The following ARHGEF11 variants were observed in gnomAD, a reference collection of about 807,000 sequenced individuals.
ARHGEF11 encodes the protein Rho guanine exchange factor (GEF) 11.
ARHGEF11 carries 55 observed loss-of-function variants against 193.7 expected under a neutral mutation model. The ratio of observed to expected loss-of-function variants is 0.28; its 90% CI spans 0.23 to 0.36. The LOEUF (loss-of-function observed/expected upper bound fraction) is 0.36. Ranked by LOEUF, ARHGEF11 falls within the 10% of genes least tolerant of loss-of-function variation. The pLI, the probability that ARHGEF11 is intolerant of heterozygous loss-of-function variation, is 1.00. For synonymous variants in ARHGEF11, 693 were observed against 768.0 expected, an observed-to-expected ratio of 0.90 and a Z score of 1.62; for missense variants, 1,723 against 2,005.6, an observed-to-expected ratio of 0.86 and a Z score of 2.69.
At chr1:156,973,796 C>A (rs987449742) in intron 7 of ARHGEF11, among the ~76,000 whole-genome samples, 1 of 152,232 alleles carries the variant, frequency 6.6e-6, no homozygotes, top group African/African-American at 2.4e-5. Flanking sequence ...GGCCCTCTGA[C>A]AAGTCTCCCA....
chr1:157,030,626 C>A (rs934180873), intron 1 of ARHGEF11, among the ~76,000 whole-genome samples: 1 of 151,940 alleles, frequency 6.6e-6, no homozygotes, highest in Admixed American at 6.6e-5. Context: ...TACCACCAAG[C>A]CTTGACAGGG....
At chr1:157,019,766 T>C (rs779014415) in intron 1 of ARHGEF11, among the ~76,000 whole-genome samples, 6 of 152,164 alleles carry the variant, frequency 3.9e-5, no homozygotes, top group Admixed American at 1.3e-4. Context: ...AATGAGCATA[T>C]AGTGTATGAT....
At chr1:156,954,784 G>T in intron 21 of ARHGEF11, 108 bp downstream of exon 21, 1 of 924,114 alleles carries the variant, frequency 1.1e-6, no homozygotes. Flanking sequence ...AAGGGAGGGA[G>T]GAGGAACAGG....
intron 1 of ARHGEF11, among the ~76,000 whole-genome samples, chr1:157,017,706 C>CAAAAAAAAAAAAAAAAAA: frequency 2.4e-5 from 1 of 41,550 alleles, no homozygotes; most frequent in Non-Finnish European, 5.2e-5. Flanking sequence ...GACTCCGTCT[C>CAAAAAAAAAAAAAAAAAA]AAAAAAAAAA....
At chr1:157,005,827 A>G (rs1571459722) in intron 1 of ARHGEF11, among the ~76,000 whole-genome samples, 2 of 152,190 alleles carry the variant, frequency 1.3e-5, no homozygotes, top group African/African-American at 4.8e-5. Context: ...CCTGATTTCT[A>G]TATTAAAGGG....
intron 1 of ARHGEF11, among the ~76,000 whole-genome samples, chr1:156,990,937 A>G (rs1359738114): frequency 2.6e-5 from 4 of 152,176 alleles, no homozygotes; most frequent in Non-Finnish European, 5.9e-5. Flanking sequence ...ACTGCTAGGT[A>G]CTCATTGCTG....
intron 11 of ARHGEF11, among the ~76,000 whole-genome samples, chr1:156,965,047 G>T (rs1661504464): frequency 6.6e-6 from 1 of 152,168 alleles, no homozygotes; most frequent in Admixed American, 6.5e-5. Context: ...CCATTTCCCT[G>T]CTGCTGACAG....
intron 14 of ARHGEF11, 148 bp from the exon 15 acceptor site, chr1:156,960,608 G>A (rs1660687921): frequency 8.9e-6 from 6 of 670,424 alleles, no homozygotes; most frequent in African/African-American, 1.8e-5. Flanking sequence ...CTCTCCAACT[G>A]CACACCTGAA....
intron 1 of ARHGEF11, among the ~76,000 whole-genome samples, chr1:156,993,085 T>C (rs1665997197): frequency 6.6e-6 from 1 of 152,228 alleles, no homozygotes; most frequent in South Asian, 2.1e-4. Context: ...AAGCACTTGA[T>C]ATAACCTTAT....
rs995464920 is a variant in ARHGEF11 at position 157,044,734 on chromosome 1, C to T, written c.-404G>A. Reference sequence around the variant, plus strand: ...GTTAACTGCAAAGTACAGATAAAACCATCCTTTAAATCCAGCTTTCTCAGC... The same window carrying T: ...GTTAACTGCAAAGTACAGATAAAACTATCCTTTAAATCCAGCTTTCTCAGC... On this transcript the variant is annotated 5_prime_UTR_variant, in exon 1 of 41. The change abolishes an upstream ATG in the 5' untranslated region. Coordinates refer to ENST00000368194, the MANE Select transcript of ARHGEF11 (RefSeq NM_198236.3). The T allele has an allele frequency of 1.4e-4, 55 of 397,842 alleles. No individual in the cohort carries two copies. The highest frequency in any genetic ancestry group is 6.4e-4 in the Middle Eastern group (1 of 1,560). 24.6% of individuals were successfully genotyped at this position (397,842 alleles called of 1,614,324 possible).
chr1:156,980,304 G>T, intron 4 of ARHGEF11, 133 bp downstream of exon 4: 2 of 1,024,100 alleles, frequency 2.0e-6, no homozygotes, highest in South Asian at 1.4e-5. Flanking sequence ...CCCTCGTATG[G>T]TACCACTCCT....
At chr1:157,019,520 G>C (rs1293056039) in intron 1 of ARHGEF11, among the ~76,000 whole-genome samples, 2 of 152,150 alleles carry the variant, frequency 1.3e-5, no homozygotes, top group Non-Finnish European at 2.9e-5. Flanking sequence ...ATATGACCCA[G>C]CCATTCTTCT....
intron 1 of ARHGEF11, among the ~76,000 whole-genome samples, chr1:157,016,658 A>G (rs183269343): frequency 6.9e-4 from 105 of 152,346 alleles, no homozygotes; most frequent in Non-Finnish European, 1.2e-3. Context: ...AAAAATTTAC[A>G]GATAAAATGT....
At chr1:157,019,659 T>C (rs1335040572) in intron 1 of ARHGEF11, among the ~76,000 whole-genome samples, 1 of 152,074 alleles carries the variant, frequency 6.6e-6, no homozygotes, top group Non-Finnish European at 1.5e-5. Flanking sequence ...ACTCATAAAA[T>C]GGAATACTAC....
intron 1 of ARHGEF11, among the ~76,000 whole-genome samples, chr1:156,988,658 CCTG>C (rs1665277363): frequency 6.6e-6 from 1 of 152,164 alleles, no homozygotes; most frequent in Non-Finnish European, 1.5e-5. Flanking sequence ...GGTCCATGTC[CCTG>C]CTGTCAACAA....
At chr1:156,999,445 T>C (rs1666941861) in intron 1 of ARHGEF11, among the ~76,000 whole-genome samples, 1 of 152,012 alleles carries the variant, frequency 6.6e-6, no homozygotes, top group Non-Finnish European at 1.5e-5. Flanking sequence ...GCTTGATTCT[T>C]TGTCCCTTAT....
chr1:156,939,928 T>C lies in ARHGEF11; in HGVS notation c.3734-18A>G. On this transcript the variant is annotated intron_variant, in intron 36 of 40. Coordinates refer to ENST00000368194, the MANE Select transcript of ARHGEF11 (RefSeq NM_198236.3). ...GTTCTCCACTGGAGGGGAAACAGGG[T>C]GATGTCTTCCCAGCATGGGACTGCA... The C allele has an allele frequency of 6.3e-7, 1 of 1,597,940 alleles. No homozygotes were observed. Among genetic ancestry groups the C allele is most frequent in the South Asian group, 1.1e-5 (1 of 90,628 alleles).
rs1403185984 is a variant in ARHGEF11 at position 157,044,377 on chromosome 1, CT to C, written c.-48del. On this transcript the variant is annotated 5_prime_UTR_variant, in exon 1 of 41. Transcript: ENST00000368194. ...TTCCAGAATCCTGTAGCTTTGGTGT[CT>C]TGATCAGGATTGAATCGCTTGCAAT... The C allele has an allele frequency of 6.2e-7, 1 of 1,603,466 alleles. No homozygotes were observed. Among genetic ancestry groups the C allele is most frequent in the Non-Finnish European group, 8.5e-7 (1 of 1,170,936 alleles).
At chr1:156,979,402 G>A (rs1449840098) in intron 4 of ARHGEF11, 116 bp from the exon 5 acceptor site, 9 of 725,442 alleles carry the variant, frequency 1.2e-5, no homozygotes, top group Non-Finnish European at 1.7e-5. Flanking sequence ...GTCTTGCTCT[G>A]TCACCCAGGC....
Sources: allele counts gnomAD v4.1 joint callset (sites outside exome capture counted in the v4.1 genomes callset), GRCh38; gene constraint gnomAD v4.1.1; transcripts MANE v1.5; gene names NCBI Gene and HGNC (gene_info 2026-07-23, HGNC 2026-07-21).